The following MEF2B variants were observed in gnomAD, a reference collection of about 807,000 sequenced individuals.
MEF2B encodes the protein myocyte enhancer factor 2B.
In MEF2B, 15 loss-of-function variants were observed where a neutral mutation model predicts 32.2. The ratio of observed to expected loss-of-function variants is 0.47; its 90% CI spans 0.31 to 0.72. The LOEUF (loss-of-function observed/expected upper bound fraction) is 0.72. Ranked by LOEUF, MEF2B falls within the 30% of genes least tolerant of loss-of-function variation. MEF2B has a pLI of 0.05. For missense variants in MEF2B, 441 were observed against 511.5 expected, an observed-to-expected ratio of 0.86 and a Z score of 1.33; for synonymous variants, 205 against 225.6, an observed-to-expected ratio of 0.91 and a Z score of 0.82.
Position 19,145,922 on chromosome 19 carries a change from C to T in MEF2B, c.982G>A (p.Gly328Arg), listed in dbSNP as rs916404057. The change falls in exon 9 of 9, where the codon GGG (glycine) becomes AGG (arginine). Residue 328 changes from glycine to arginine, a missense_variant. Physicochemically the swap from Gly to Arg is moderately radical, Grantham distance 125. Coordinates refer to ENST00000424583, the MANE Select transcript of MEF2B (RefSeq NM_001145785.2). This position sits in a 1 kb window ranked among gnomAD's most constrained non-coding sequence, Gnocchi z 4.6. ...GTCTTAGGAAAGTCGCCGGGGCCCC[C>T]GGGGGCCGGAGAGAGGCGCTCAGAC... The part of the protein sequence containing the change: ...IKSERLSPAP[G>R]GPGDFPKTFP... The T allele has an allele frequency of 1.4e-6, 2 of 1,425,848 alleles. No homozygotes were observed. Among genetic ancestry groups the T allele is most frequent in the Non-Finnish European group, 9.2e-7 (1 of 1,087,958 alleles). The allele number at this position is 1,425,848 out of a possible 1,614,324, so 88.3% of individuals were successfully genotyped here.
intron 4 of MEF2B, among the ~76,000 whole-genome samples, 172 bp from the exon 5 acceptor site, chr19:19,147,355 G>T (rs1177105369): frequency 1.5e-5 from 2 of 130,282 alleles, no homozygotes; most frequent in East Asian, 2.3e-4. Context: ...CCTACAGGCT[G>T]GGGGAGCTTC....
chr19:19,146,794 C>T lies in MEF2B; in HGVS notation c.623G>A (p.Arg208Lys), dbSNP rs777430668. Residue 208 changes from arginine (R) to lysine (K), a missense_variant, in exon 6 of 9, where the codon AGG becomes AAG. By Grantham distance (26) the Arg-to-Lys change is conservative. This residue lies in a region of MEF2B where 326 missense variants were observed against 328.4 expected (regional missense o/e 0.99). Coordinates refer to ENST00000424583, the MANE Select transcript of MEF2B (RefSeq NM_001145785.2). ...AGCCAGGCCACCAGGCAGGTCTGAC[C>T]TCCGCCCTTCCGTCGGCAGGTACAG... The part of the protein sequence containing the change: ...PPLYLPTEGR[R>K]SDLPGGLAGP... 1.9e-5 allele frequency: 31 copies of T among 1,613,876 alleles called. No individual in the cohort carries two copies. The highest frequency in any genetic ancestry group is 2.1e-5 in the Non-Finnish European group (25 of 1,179,934).
At chr19:19,152,276 A>G (rs566152853) in intron 1 of MEF2B, among the ~76,000 whole-genome samples, 2 of 151,374 alleles carry the variant, frequency 1.3e-5, no homozygotes, top group Admixed American at 1.3e-4. Flanking sequence ...AAATGCAAAA[A>G]TTAACCAGCT....
chr19:19,149,566 TCACAA>T (rs1248663273), intron 2 of MEF2B, 137 bp from the exon 3 acceptor site: 2 of 1,235,592 alleles, frequency 1.6e-6, no homozygotes, highest in African/African-American at 3.0e-5. Context: ...AATTCTCATG[TCACAA>T]CCTGGCAAAC....
At position 19,149,556 on chromosome 19, in the gene MEF2B, A is replaced by T. The variant is rs1182615942; in HGVS notation, c.55-127T>A. On this transcript the variant is annotated intron_variant, in intron 2 of 8. Coordinates refer to ENST00000424583, the MANE Select transcript of MEF2B (RefSeq NM_001145785.2). Reference sequence around the variant, plus strand: ...CAGGATTCTTTCTGGCTGAGCTGGTAATTCTCATGTCACAACCTGGCAAAC... The same window carrying T: ...CAGGATTCTTTCTGGCTGAGCTGGTTATTCTCATGTCACAACCTGGCAAAC... The T allele has an allele frequency of 2.3e-6, 3 of 1,292,392 alleles. No individual in the cohort carries two copies. The African/African-American group carries it at 4.4e-5, about 19-fold the overall frequency. 80.1% of individuals were successfully genotyped at this position (1,292,392 alleles called of 1,614,324 possible).
intron 1 of MEF2B, among the ~76,000 whole-genome samples, chr19:19,160,127 C>G (rs2060149564): frequency 6.6e-6 from 1 of 152,046 alleles, no homozygotes; most frequent in Non-Finnish European, 1.5e-5. Context: ...CACCATCACA[C>G]CCAGCTAATT....
chr19:19,158,118 C>T (rs777687360), intron 1 of MEF2B, among the ~76,000 whole-genome samples: 2 of 150,090 alleles, frequency 1.3e-5, no homozygotes, highest in African/African-American at 2.5e-5. Flanking sequence ...AGTGGAGTCT[C>T]GCTCTGTTAC....
chr19:19,160,677 C>G (rs1426161840), intron 1 of MEF2B, among the ~76,000 whole-genome samples: 3 of 151,310 alleles, frequency 2.0e-5, no homozygotes, highest in African/African-American at 7.3e-5. Context: ...GGGGAGGGGG[C>G]GCTGCTCCCG....
At chr19:19,169,088 C>T (rs1057140256) in intron 1 of MEF2B, among the ~76,000 whole-genome samples, 1 of 151,026 alleles carries the variant, frequency 6.6e-6, no homozygotes, top group Non-Finnish European at 1.5e-5. Flanking sequence ...TGCAGGGGCT[C>T]ACGCCTGTAA....
At chr19:19,168,268 CTTTTTTTTTTTT>C (rs1050853160) in intron 1 of MEF2B, among the ~76,000 whole-genome samples, 1 of 99,026 alleles carries the variant, frequency 1.0e-5, no homozygotes, top group East Asian at 3.4e-4. Context: ...TTTCTTTCTT[CTTTTTTTTTTTT>C]TTTTTTTTTT....
intron 1 of MEF2B, among the ~76,000 whole-genome samples, chr19:19,167,526 A>G (rs2060218845): frequency 6.6e-6 from 1 of 151,692 alleles, no homozygotes; most frequent in Non-Finnish European, 1.5e-5. Context: ...TGTCTCAAAA[A>G]CAAAGAAAGA....
rs762010631 is a variant in MEF2B at position 19,146,874 on chromosome 19, G to A, written c.543C>T (p.Gly181=). The part of the protein sequence containing the change: ...RPAAPKAGPP[G]LVHPLFSPSH... ...TTGGTGAGAAGAGAGGGTGCACCAG[G>A]CCTGGGGAAGAGGAGACCCCAGAGA... The change falls in exon 6 of 9, where the codon GGC becomes GGT. Residue 181 remains glycine, a splice_region_variant and synonymous_variant. Transcript: ENST00000424583. The A allele has an allele frequency of 6.2e-7, 1 of 1,611,270 alleles. No homozygotes were observed. The highest frequency in any genetic ancestry group is 8.5e-7 in the Non-Finnish European group (1 of 1,178,972).
At chr19:19,161,155 G>A (rs1252577438) in intron 1 of MEF2B, among the ~76,000 whole-genome samples, 2 of 152,082 alleles carry the variant, frequency 1.3e-5, no homozygotes, top group African/African-American at 2.4e-5. Context: ...ACAGATGCGG[G>A]GAGGATTTGT....
intron 1 of MEF2B, among the ~76,000 whole-genome samples, chr19:19,155,524 C>A (rs2060114176): frequency 6.6e-6 from 1 of 152,186 alleles, no homozygotes; most frequent in Admixed American, 6.5e-5. Context: ...AGAGATGTCA[C>A]TGACCCCCTC....
chr19:19,161,544 C>T (rs920891283), intron 1 of MEF2B, among the ~76,000 whole-genome samples: 7 of 152,018 alleles, frequency 4.6e-5, no homozygotes, highest in Admixed American at 2.0e-4. Context: ...AGACAGACCC[C>T]AAAAACACTC....
chr19:19,156,439 C>A (rs906831535), intron 1 of MEF2B, among the ~76,000 whole-genome samples: 5 of 151,946 alleles, frequency 3.3e-5, no homozygotes, highest in African/African-American at 1.2e-4. Flanking sequence ...TTCAAGGCTG[C>A]AGTGAGCTTT....
At chr19:19,149,505 G>A in intron 2 of MEF2B, 76 bp from the exon 3 acceptor site, 1 of 1,570,302 alleles carries the variant, frequency 6.4e-7, no homozygotes, top group South Asian at 1.1e-5. Context: ...GAATTGGCAG[G>A]GCCTAACCCT....
intron 3 of MEF2B, among the ~76,000 whole-genome samples, chr19:19,148,360 G>A (rs1052523780): frequency 1.3e-5 from 2 of 152,230 alleles, no homozygotes; most frequent in African/African-American, 2.4e-5. Flanking sequence ...AGCTATTTGG[G>A]AGGCTGAGGC....
At chr19:19,158,092 C>CTT (rs113158341) in intron 1 of MEF2B, among the ~76,000 whole-genome samples, 8 of 144,486 alleles carry the variant, frequency 5.5e-5, no homozygotes, top group Admixed American at 6.9e-5. Flanking sequence ...AGGAAGATTT[C>CTT]TTTTTTTTTT....
Sources: allele counts gnomAD v4.1 joint callset (sites outside exome capture counted in the v4.1 genomes callset), GRCh38; gene constraint gnomAD v4.1.1; regional missense constraint gnomAD v4.1.1; non-coding constraint Gnocchi (gnomAD v3.1); transcripts MANE v1.5; gene names NCBI Gene and HGNC (gene_info 2026-07-23, HGNC 2026-07-21).